Variants in SIGLEC6 observed in about 807,000 individuals in gnomAD.
The protein encoded by SIGLEC6 is sialic acid-binding Ig-like lectin 6.
SIGLEC6 carries 31 observed loss-of-function variants against 41.4 expected under a neutral mutation model. The observed-to-expected ratio is 0.75, with a 90% CI of 0.56 to 1.01. The LOEUF (loss-of-function observed/expected upper bound fraction) is 1.01. Ranked by LOEUF, SIGLEC6 falls within the 50% of genes least tolerant of loss-of-function variation. SIGLEC6 has a pLI of 0.00. For missense variants in SIGLEC6, 555 were observed against 558.6 expected, an observed-to-expected ratio of 0.99 and a Z score of 0.06; for synonymous variants, 217 against 231.0, an observed-to-expected ratio of 0.94 and a Z score of 0.55.
At position 51,529,800 on chromosome 19, in the gene SIGLEC6, T is replaced by G; in HGVS notation, c.936A>C (p.Ala312=). 6.2e-7 allele frequency: 1 copy of G among 1,614,158 alleles called. No individual in the cohort carries two copies. Among genetic ancestry groups the G allele is most frequent in the Non-Finnish European group, 8.5e-7 (1 of 1,180,026 alleles). ...GVLELPQVGS[A]EEGDFTCRAQ... ...CACGGCAGGTGAAATCTCCTTCTTCTGCAGACCCTACTTGAGGCAGCTCCA... is the reference window on the plus strand; with the variant it reads ...CACGGCAGGTGAAATCTCCTTCTTCGGCAGACCCTACTTGAGGCAGCTCCA... Residue 312 remains alanine (A), a synonymous_variant, in exon 5 of 8, where the codon GCA becomes GCC. Coordinates refer to ENST00000425629, the MANE Select transcript of SIGLEC6 (RefSeq NM_001245.7).
At chr19:51,528,344 C>G (rs1979591148) in intron 5 of SIGLEC6, 91 bp from the exon 6 acceptor site, 2 of 1,065,374 alleles carry the variant, frequency 1.9e-6, no homozygotes, top group Non-Finnish European at 2.9e-6. Context: ...ATGTGACCAC[C>G]CCCATCCAGG....
At chr19:51,528,063 C>T in intron 6 of SIGLEC6, 97 bp downstream of exon 6, 1 of 1,146,926 alleles carries the variant, frequency 8.7e-7, no homozygotes, top group Admixed American at 1.8e-5. Flanking sequence ...CTTTCCCAAT[C>T]ACCCCATTTT....
intron 7 of SIGLEC6, among the ~76,000 whole-genome samples, chr19:51,527,546 T>C (rs976952695): frequency 2.0e-5 from 3 of 152,182 alleles, no homozygotes; most frequent in Non-Finnish European, 4.4e-5. Context: ...ATCAGAACTA[T>C]TAGATTCAGT....
Position 51,519,316 on chromosome 19 carries a change from A to AAAAAAC in SIGLEC6, c.*765_*766insGTTTTT, listed in dbSNP as rs1177795513. On this transcript the variant is annotated 3_prime_UTR_variant, in exon 8 of 8. Coordinates refer to ENST00000425629, the MANE Select transcript of SIGLEC6 (RefSeq NM_001245.7). ...TCTCAGAAAAAAAAAAAAAAAAAAA[A>AAAAAAC]AGCTAGCCAAAGCCAGATACAAGGC... is the stretch of plus-strand genomic sequence containing the variant. Among the ~76,000 whole-genome samples the AAAAAAC allele has an allele frequency of 6.7e-6, 1 of 149,194 alleles. No individual in the cohort carries two copies. The highest frequency in any genetic ancestry group is 1.5e-5 in the Non-Finnish European group (1 of 67,066).
rs757585533 is a variant in SIGLEC6 at position 51,531,643 on chromosome 19, C to T, written c.6G>A (p.Gln2=). Residue 2 remains glutamine (Q), a synonymous_variant, in exon 1 of 8, where the codon CAG becomes CAA. Transcript: ENST00000425629. M[Q]GAQEASASEM... ...CTGAGGCGGAGGCTTCCTGGGCTCCCTGCATGAGCAGAGAAGGGGAAGGGA... is the reference window on the plus strand; with the variant it reads ...CTGAGGCGGAGGCTTCCTGGGCTCCTTGCATGAGCAGAGAAGGGGAAGGGA... 1 of 1,603,720 alleles carries T rather than the reference C, an allele frequency of 6.2e-7. No homozygotes were observed. Among genetic ancestry groups the T allele is most frequent in the Non-Finnish European group, 8.5e-7 (1 of 1,175,136 alleles).
At chr19:51,520,540 C>G (rs1402347705) in intron 7 of SIGLEC6, among the ~76,000 whole-genome samples, 1 of 151,880 alleles carries the variant, frequency 6.6e-6, no homozygotes, top group Non-Finnish European at 1.5e-5. Context: ...AGGCATGCAC[C>G]CCACCTGGCT....
Position 51,520,231 on chromosome 19 carries a change from C to T in SIGLEC6, c.1213G>A (p.Gly405Ser), listed in dbSNP as rs1990810723. ...SRGHQHQFQT[G>S]IVSDHPAEAG... The stretch of plus-strand genomic sequence containing the variant: ...TCAGCAGGGTGGTCTGAAACTATGC[C>T]TGTCTGGAACTGGTGCTGATGACCC... The change falls in exon 8 of 8, where the codon GGC becomes AGC. Residue 405 changes from glycine (G) to serine (S), a missense_variant. Gly to Ser is a moderately conservative substitution (Grantham distance 56). Coordinates refer to ENST00000425629, the MANE Select transcript of SIGLEC6 (RefSeq NM_001245.7). 1.3e-6 allele frequency: 2 copies of T among 1,593,762 alleles called. No homozygotes were observed. The highest frequency in any genetic ancestry group is 8.6e-7 in the Non-Finnish European group (1 of 1,165,100).
At chr19:51,527,901 A>G (rs913341436) in intron 6 of SIGLEC6, 73 bp from the exon 7 acceptor site, 1 of 1,431,122 alleles carries the variant, frequency 7.0e-7, no homozygotes, top group African/African-American at 1.4e-5. Context: ...CCATCTCCCC[A>G]CTCCCTATGG....
intron 7 of SIGLEC6, among the ~76,000 whole-genome samples, chr19:51,526,711 A>T (rs1433996910): frequency 6.6e-6 from 1 of 152,196 alleles, no homozygotes; most frequent in Admixed American, 6.5e-5. Flanking sequence ...GGATAAAATA[A>T]CAGACGAAAA....
chr19:51,530,136 C>T (rs2122463064), intron 4 of SIGLEC6, among the ~76,000 whole-genome samples, 155 bp from the exon 5 acceptor site: 1 of 152,332 alleles, frequency 6.6e-6, no homozygotes, highest in South Asian at 2.1e-4. Flanking sequence ...TTCCCTGGAG[C>T]TGCCCAGGCT....
intron 7 of SIGLEC6, among the ~76,000 whole-genome samples, chr19:51,522,997 AGGCGCAGT>A (rs1367761093): frequency 6.6e-6 from 1 of 152,080 alleles, no homozygotes; most frequent in Admixed American, 6.5e-5. Context: ...AAAATTAGCC[AGGCGCAGT>A]GGTGCATGCC....
chr19:51,530,522 G>A, intron 3 of SIGLEC6, 38 bp from the exon 4 acceptor site: 3 of 1,613,014 alleles, frequency 1.9e-6, no homozygotes, highest in South Asian at 1.1e-5. Context: ...ACATCCCTGA[G>A]GAGGGATGGT....
intron 6 of SIGLEC6, 57 bp from the exon 7 acceptor site, chr19:51,527,885 A>G: frequency 6.5e-7 from 1 of 1,543,826 alleles, no homozygotes; most frequent in Non-Finnish European, 8.9e-7. Flanking sequence ...TTTCCCCAAA[A>G]GAAAACCATC....
At chr19:51,524,167 C>G (rs1009373962) in intron 7 of SIGLEC6, among the ~76,000 whole-genome samples, 1 of 152,108 alleles carries the variant, frequency 6.6e-6, no homozygotes, top group Non-Finnish European at 1.5e-5. Context: ...TATAAATGGT[C>G]TAAACACTCC....
intron 7 of SIGLEC6, among the ~76,000 whole-genome samples, chr19:51,527,432 C>T (rs1272885319): frequency 1.3e-5 from 2 of 152,026 alleles, no homozygotes. Flanking sequence ...TTCTTTTTCT[C>T]AATAATCAAT....
At chr19:51,529,515 TC>T in intron 5 of SIGLEC6, 3 of 618,592 alleles carry the variant, frequency 4.8e-6, no homozygotes, top group Admixed American at 5.9e-5. Context: ...TGGCTGCTGT[TC>T]CCATCCCTCC....
chr19:51,531,096 C>G, intron 2 of SIGLEC6, 64 bp downstream of exon 2: 1 of 1,551,414 alleles, frequency 6.4e-7, no homozygotes, highest in Non-Finnish European at 8.7e-7. Flanking sequence ...GGGCTCCCGT[C>G]CCAGCCCTGC....
At chr19:51,521,215 T>A (rs1202556967) in intron 7 of SIGLEC6, among the ~76,000 whole-genome samples, 1 of 152,192 alleles carries the variant, frequency 6.6e-6, no homozygotes, top group African/African-American at 2.4e-5. Context: ...AAAGAAATTA[T>A]GTAATGATTC....
At chr19:51,521,232 A>C (rs1196488323) in intron 7 of SIGLEC6, among the ~76,000 whole-genome samples, 1 of 152,230 alleles carries the variant, frequency 6.6e-6, no homozygotes, top group African/African-American at 2.4e-5. Flanking sequence ...ATTCCCAACA[A>C]AGTGGGGATT....
Sources: gnomAD v4.1 joint callset for allele counts (sites outside exome capture counted in the v4.1 genomes callset) on GRCh38, gnomAD v4.1.1 for gene constraint, MANE v1.5 for transcripts, NCBI Gene and HGNC (gene_info 2026-07-23, HGNC 2026-07-21) for gene names.